CNTNAP2: variants seen among roughly 807,000 people sequenced by gnomAD.
The protein encoded by CNTNAP2 is contactin associated protein 2, also known as contactin-associated protein-like 2.
CNTNAP2 carries 98 observed loss-of-function variants against 155.2 expected under a neutral mutation model. The ratio of observed to expected loss-of-function variants is 0.63; its 90% CI spans 0.54 to 0.75. The LOEUF is 0.75. Among genes scored for constraint, CNTNAP2 ranks in the 30% least tolerant of loss-of-function variants. The pLI is 0.00. For synonymous variants in CNTNAP2, 651 were observed against 631.2 expected (o/e 1.03, Z -0.47); for missense variants, 1,727 against 1,688.1 (o/e 1.02, Z -0.40).
At chr7:146,408,691 G>T (rs1466247013) in intron 1 of CNTNAP2, among the ~76,000 whole-genome samples, 1 of 151,848 alleles carries the variant, frequency 6.6e-6, no homozygotes, top group Admixed American at 6.6e-5. Flanking sequence ...GTTAATGGGT[G>T]CAGCACACCA....
At chr7:147,877,222 T>A (rs1799437618) in intron 13 of CNTNAP2, among the ~76,000 whole-genome samples, 1 of 152,056 alleles carries the variant, frequency 6.6e-6, no homozygotes, top group Non-Finnish European at 1.5e-5. Flanking sequence ...TGTTCAGGAG[T>A]CTAGCTGTTA....
chr7:146,888,594 CA>C (rs991518100), intron 3 of CNTNAP2, among the ~76,000 whole-genome samples: 2 of 151,848 alleles, frequency 1.3e-5, no homozygotes, highest in Middle Eastern at 3.2e-3. Context: ...TCTGCCTACC[CA>C]TTTTTTTTTC....
At position 146,721,628 on chromosome 7, in the gene CNTNAP2, CATTCTATATAT is replaced by C. The variant is rs1156666597; in HGVS notation, c.98-52621_98-52611del. Reference sequence around the variant, plus strand: ...ACATTCTATATATATATTCTATATACATTCTATATATATTCTATATATATTCTATATACATT... The same window carrying C: ...ACATTCTATATATATATTCTATATACATTCTATATATATTCTATATACATT... On this transcript the variant is annotated intron_variant, in intron 1 of 23. Transcript: ENST00000361727. 1.7e-3 allele frequency among the ~76,000 whole-genome samples: 149 copies of C among 86,366 alleles called. 2 individuals are homozygous for C. The highest frequency in any genetic ancestry group is 2.0e-3 in the Non-Finnish European group (102 of 51,224). 56.7% of individuals were successfully genotyped at this position (86,366 alleles called of 152,430 possible).
intron 1 of CNTNAP2, among the ~76,000 whole-genome samples, chr7:146,363,021 G>A (rs1024278458): frequency 3.4e-4 from 52 of 151,898 alleles, no homozygotes; most frequent in Non-Finnish European, 8.8e-5. Flanking sequence ...CGCCTGCCTC[G>A]ACCTCCCAAA....
intron 12 of CNTNAP2, among the ~76,000 whole-genome samples, chr7:147,620,406 T>C (rs918964414): frequency 6.6e-6 from 1 of 152,078 alleles, no homozygotes; most frequent in African/African-American, 2.4e-5. Flanking sequence ...AAAATAGCTG[T>C]TTTAAGGAAA....
intron 1 of CNTNAP2, among the ~76,000 whole-genome samples, chr7:146,696,191 C>T (rs1800779983): frequency 6.6e-6 from 1 of 152,156 alleles, no homozygotes; most frequent in South Asian, 2.1e-4. Context: ...TGAAAAGTAA[C>T]TAATTGTCAA....
At chr7:147,432,600 C>A (rs1797483622) in intron 10 of CNTNAP2, among the ~76,000 whole-genome samples, 1 of 152,084 alleles carries the variant, frequency 6.6e-6, no homozygotes, top group Admixed American at 6.6e-5. Flanking sequence ...ACCAAGAAAC[C>A]CCATTTGGAC....
intron 16 of CNTNAP2, among the ~76,000 whole-genome samples, chr7:148,135,935 G>A (rs1804930513): frequency 1.5e-5 from 2 of 129,572 alleles, no homozygotes; most frequent in African/African-American, 3.0e-5. Flanking sequence ...CACACTGGAA[G>A]GAGGAAGGAA....
chr7:147,738,985 C>T (rs10216137), intron 13 of CNTNAP2, among the ~76,000 whole-genome samples: 4,022 of 152,044 alleles, frequency 0.026, 181 homozygotes, highest in African/African-American at 0.09. Context: ...ACTAGGAAAC[C>T]AAAAAATTCC....
intron 2 of CNTNAP2, among the ~76,000 whole-genome samples, chr7:146,821,391 C>T (rs1803280132): frequency 6.6e-6 from 1 of 152,064 alleles, no homozygotes; most frequent in South Asian, 2.1e-4. Context: ...ATTTGCTTGT[C>T]TGTAAAGTAT....
chr7:147,949,460 T>TATATATATATATATATATATATA (rs60849459), intron 14 of CNTNAP2, among the ~76,000 whole-genome samples: 20 of 92,096 alleles, frequency 2.2e-4, no homozygotes, highest in East Asian at 1.4e-3. Flanking sequence ...ATATATATAT[T>TATATATATATATATATATATATA]TTTTTTTTTT....
intron 13 of CNTNAP2, among the ~76,000 whole-genome samples, chr7:147,902,778 TTGTGTGTGTG>T (rs564991239): frequency 0.036 from 4,877 of 136,806 alleles, 132 homozygotes; most frequent in Non-Finnish European, 0.056. Flanking sequence ...TCATATATGT[TTGTGTGTGTG>T]TGTGTGTGTG....
chr7:148,379,551 TA>T (rs1328239432), intron 21 of CNTNAP2, among the ~76,000 whole-genome samples: 22 of 147,026 alleles, frequency 1.5e-4, no homozygotes, highest in African/African-American at 1.7e-4. Context: ...AAAAAAATAC[TA>T]AAAAAAAAAA....
intron 11 of CNTNAP2, among the ~76,000 whole-genome samples, chr7:147,506,351 G>A (rs916311850): frequency 2.0e-5 from 3 of 152,150 alleles, no homozygotes; most frequent in African/African-American, 7.2e-5. Flanking sequence ...CGCCTCCTGG[G>A]TTCAAGCAAT....
intron 4 of CNTNAP2, among the ~76,000 whole-genome samples, chr7:147,050,373 A>T (rs1270652880): frequency 6.6e-6 from 1 of 152,258 alleles, no homozygotes; most frequent in Non-Finnish European, 1.5e-5. Flanking sequence ...TTTTAGTCAG[A>T]GTCCTCTTAA....
intron 10 of CNTNAP2, among the ~76,000 whole-genome samples, chr7:147,432,640 C>T (rs950953880): frequency 6.6e-6 from 1 of 152,202 alleles, no homozygotes; most frequent in Non-Finnish European, 1.5e-5. Context: ...TATTTCCACA[C>T]AATTTCTCTC....
chr7:146,892,063 A>AT (rs1430807895), intron 3 of CNTNAP2, among the ~76,000 whole-genome samples: 1 of 152,116 alleles, frequency 6.6e-6, no homozygotes, highest in East Asian at 1.9e-4. Context: ...TTACTCATGA[A>AT]TTTACAACTT....
intron 3 of CNTNAP2, among the ~76,000 whole-genome samples, chr7:146,931,685 G>A (rs867853993): frequency 0.014 from 2,024 of 148,772 alleles, 28 homozygotes; most frequent in African/African-American, 0.045. Flanking sequence ...TTGATAGACC[G>A]CTAGCAAGAC....
chr7:147,600,721 T>C (rs1800927322), intron 12 of CNTNAP2, among the ~76,000 whole-genome samples: 1 of 152,122 alleles, frequency 6.6e-6, no homozygotes, highest in Non-Finnish European at 1.5e-5. Flanking sequence ...TCATATCCTT[T>C]TTTTCCTTTC....
Sources: gnomAD v4.1 joint callset for allele counts (sites outside exome capture counted in the v4.1 genomes callset) on GRCh38, gnomAD v4.1.1 for gene constraint, MANE v1.5 for transcripts, NCBI Gene and HGNC (gene_info 2026-07-23, HGNC 2026-07-21) for gene names.